MAP4K3: variants seen among roughly 807,000 people sequenced by gnomAD.
The protein encoded by MAP4K3 is MAPK/ERK kinase kinase kinase 3.
A neutral mutation model predicts 143.5 loss-of-function variants in MAP4K3; 94 were observed. The observed-to-expected ratio is 0.65, with a 90% CI of 0.55 to 0.78. MAP4K3 has a LOEUF of 0.78. MAP4K3 is among the 30% of genes least tolerant of loss of function. The pLI, the probability that MAP4K3 is intolerant of heterozygous loss-of-function variation, is 0.00. For synonymous variants in MAP4K3, 416 were observed against 347.2 expected (o/e 1.20, Z -2.20); for missense variants, 1,077 against 1,068.1 (o/e 1.01, Z -0.12).
At chr2:39,339,348 T>C (rs768118611) in intron 4 of MAP4K3, among the ~76,000 whole-genome samples, 6 of 152,162 alleles carry the variant, frequency 3.9e-5, no homozygotes, top group Non-Finnish European at 8.8e-5. Flanking sequence ...AATAAGATAA[T>C]CTGAAAACCC....
At chr2:39,316,573 TGTAAAAAAGGAGAAAGGGA>T (rs1683119095) in intron 12 of MAP4K3, among the ~76,000 whole-genome samples, 1 of 152,054 alleles carries the variant, frequency 6.6e-6, no homozygotes, top group Non-Finnish European at 1.5e-5. Flanking sequence ...AAATATTTCA[TGTAAAAAAGGAGAAAGGGA>T]TTGCCACAAG....
chr2:39,400,544 T>C (rs1666927812), intron 1 of MAP4K3, among the ~76,000 whole-genome samples: 1 of 152,148 alleles, frequency 6.6e-6, no homozygotes, highest in Non-Finnish European at 1.5e-5. Flanking sequence ...TTCATTTAGT[T>C]CCTGTTCCTC....
At chr2:39,280,456 T>C in intron 22 of MAP4K3, 100 bp from the exon 23 acceptor site, 2 of 505,734 alleles carry the variant, frequency 4.0e-6, no homozygotes, top group South Asian at 1.2e-4. Context: ...AGTCTATAGA[T>C]AGTATACTGA....
intron 2 of MAP4K3, among the ~76,000 whole-genome samples, chr2:39,364,687 G>A (rs1030311846): frequency 6.6e-6 from 1 of 152,192 alleles, no homozygotes; most frequent in Admixed American, 6.5e-5. Flanking sequence ...GGCCAACATG[G>A]TGAAACCCCA....
At chr2:39,326,122 A>G in intron 9 of MAP4K3, 24 bp downstream of exon 9, 2 of 1,603,582 alleles carry the variant, frequency 1.2e-6, no homozygotes, top group East Asian at 2.2e-5. Flanking sequence ...TAAGCGTAAG[A>G]TTCTTCAATG....
chr2:39,357,331 T>G (rs1197780617), intron 2 of MAP4K3, among the ~76,000 whole-genome samples: 1 of 152,222 alleles, frequency 6.6e-6, no homozygotes, highest in Admixed American at 6.5e-5. Flanking sequence ...AAGTATTATA[T>G]ACTATGAATA....
rs1681065823 is a variant in MAP4K3 at position 39,272,417 on chromosome 2, A to G, written c.1856-17T>C. On this transcript the variant is annotated splice_polypyrimidine_tract_variant and intron_variant, in intron 25 of 33. Coordinates refer to ENST00000263881, the MANE Select transcript of MAP4K3 (RefSeq NM_003618.4). ...AAGCTTTACCTATAAAGAAAAACAG[A>G]TATGACATAAAAGCTAATAATAAAT... The G allele has an allele frequency of 6.2e-7, 1 of 1,604,050 alleles. No homozygotes were observed. The highest frequency in any genetic ancestry group is 8.5e-7 in the Non-Finnish European group (1 of 1,171,356).
At chr2:39,416,692 T>C (rs544817449) in intron 1 of MAP4K3, among the ~76,000 whole-genome samples, 2 of 152,374 alleles carry the variant, frequency 1.3e-5, no homozygotes, top group South Asian at 4.1e-4. Flanking sequence ...TCCCCTCTCA[T>C]ATCCAGAAGG....
At chr2:39,391,314 G>C (rs951823337) in intron 1 of MAP4K3, among the ~76,000 whole-genome samples, 1 of 119,088 alleles carries the variant, frequency 8.4e-6, no homozygotes, top group Admixed American at 1.3e-4. Context: ...AGCCGAGATT[G>C]TGCCACTGCA....
In MAP4K3 at chr2:39,373,240, T is replaced by C. The variant is rs543054105; in HGVS notation, c.154+4826A>G. On this transcript the variant is annotated intron_variant, in intron 2 of 33. Coordinates refer to ENST00000263881, the MANE Select transcript of MAP4K3 (RefSeq NM_003618.4). Reference sequence around the variant, plus strand: ...TGCAAATCAAAACTATACCATGAGATATTATCTCCCCTTATTCAAAATGCC... The same window carrying C: ...TGCAAATCAAAACTATACCATGAGACATTATCTCCCCTTATTCAAAATGCC... Among the ~76,000 whole-genome samples, 13 of 152,326 alleles carry C rather than the reference T, an allele frequency of 8.5e-5. No individual in the cohort carries two copies. The South Asian group carries it at 2.5e-3, about 29-fold the overall frequency.
At chr2:39,332,027 G>C (rs1683700621) in intron 7 of MAP4K3, 38 bp from the exon 8 acceptor site, 1 of 1,215,614 alleles carries the variant, frequency 8.2e-7, no homozygotes, top group African/African-American at 1.5e-5. Flanking sequence ...GAAACTGAGA[G>C]AAAATAAAAT....
intron 1 of MAP4K3, 48 bp downstream of exon 1, chr2:39,436,843 TG>T: frequency 6.5e-7 from 1 of 1,527,562 alleles, no homozygotes; most frequent in African/African-American, 1.4e-5. Flanking sequence ...CAGGCTTGGC[TG>T]CGGGTCGGGA....
At chr2:39,433,836 T>A (rs1043126005) in intron 1 of MAP4K3, among the ~76,000 whole-genome samples, 1 of 152,076 alleles carries the variant, frequency 6.6e-6, no homozygotes, top group East Asian at 1.9e-4. Context: ...AATGTATATA[T>A]GCATTGGCCT....
intron 1 of MAP4K3, among the ~76,000 whole-genome samples, chr2:39,402,906 G>A (rs932232837): frequency 6.6e-6 from 1 of 151,930 alleles, no homozygotes; most frequent in African/African-American, 2.4e-5. Context: ...AAAGGATAAT[G>A]AGAAAATATT....
intron 1 of MAP4K3, among the ~76,000 whole-genome samples, chr2:39,412,059 T>C (rs1667246290): frequency 6.6e-6 from 1 of 152,236 alleles, no homozygotes; most frequent in Non-Finnish European, 1.5e-5. Context: ...TTCTGTGGAA[T>C]TGGAATATTA....
At chr2:39,335,044 T>C (rs1683818039) in intron 6 of MAP4K3, among the ~76,000 whole-genome samples, 1 of 152,126 alleles carries the variant, frequency 6.6e-6, no homozygotes, top group Non-Finnish European at 1.5e-5. Flanking sequence ...GGGGCTAGAA[T>C]GAGCTCAACA....
At chr2:39,370,663 C>T (rs1248854609) in intron 2 of MAP4K3, among the ~76,000 whole-genome samples, 1 of 152,100 alleles carries the variant, frequency 6.6e-6, no homozygotes, top group African/African-American at 2.4e-5. Context: ...AAGCATAATA[C>T]CCTATTTTCT....
At chr2:39,314,277 G>A (rs1434233584) in intron 13 of MAP4K3, among the ~76,000 whole-genome samples, 3 of 152,056 alleles carry the variant, frequency 2.0e-5, no homozygotes, top group Admixed American at 6.6e-5. Flanking sequence ...TGATCCGCCC[G>A]CCTCGGCCTC....
chr2:39,267,953 TATC>T (rs1161842548), intron 26 of MAP4K3, among the ~76,000 whole-genome samples: 1 of 152,196 alleles, frequency 6.6e-6, no homozygotes, highest in Non-Finnish European at 1.5e-5. Context: ...TACCAAAAGA[TATC>T]ATTGAGAAAA....
Sources: gnomAD v4.1 joint callset for allele counts (sites outside exome capture counted in the v4.1 genomes callset) on GRCh38, gnomAD v4.1.1 for gene constraint, MANE v1.5 for transcripts, NCBI Gene and HGNC (gene_info 2026-07-23, HGNC 2026-07-21) for gene names.